SNRNP200: variants seen among roughly 807,000 people sequenced by gnomAD.
The protein encoded by SNRNP200 is U5 small nuclear ribonucleoprotein 200 kDa helicase.
In SNRNP200, 66 loss-of-function variants were observed where a neutral mutation model predicts 255.2. The observed-to-expected ratio is 0.26, with a 90% CI of 0.21 to 0.32. The LOEUF (loss-of-function observed/expected upper bound fraction) is 0.32, where lower values mean the gene tolerates loss of function less well. Among genes scored for constraint, SNRNP200 ranks in the 10% least tolerant of loss-of-function variants. SNRNP200 has a pLI of 1.00. For synonymous variants in SNRNP200, 939 were observed against 1,027.8 expected (o/e 0.91, Z 1.65); for missense variants, 1,585 against 2,749.8 (o/e 0.58, Z 9.47).
Position 96,283,910 on chromosome 2 carries a change from T to A in SNRNP200, c.4487A>T (p.Asn1496Ile). ...CAGCCAGTGGGCCACATCCTTGGCA[T>A]TGGAGAGCGAAGAGCTGAGTGCCAC... ...RIVALSSSLS[N>I]AKDVAHWLGC... The change falls in exon 32 of 45, where the codon AAT becomes ATT. Residue 1496 changes from asparagine to isoleucine, a missense_variant. Asn to Ile is a moderately radical substitution (Grantham distance 149). Around this residue, in one of 9 missense-constraint regions of SNRNP200, gnomAD observed 719 missense variants for 1,091.1 expected, o/e 0.66. Coordinates refer to ENST00000323853, the MANE Select transcript of SNRNP200 (RefSeq NM_014014.5). The surrounding 1 kb of genome is among the most constrained non-coding windows in gnomAD (Gnocchi z 4.7). 6.3e-7 allele frequency: 1 copy of A among 1,598,084 alleles called. No homozygotes were observed. The highest frequency in any genetic ancestry group is 1.3e-5 in the African/African-American group (1 of 74,500).
rs1245694852 is a variant in SNRNP200, at chr2:96,277,247, G to GT, written c.5932-7dup. On this transcript the variant is annotated splice_polypyrimidine_tract_variant and splice_region_variant and intron_variant, in intron 41 of 44. Transcript: ENST00000323853. The surrounding 1 kb of genome is among the most constrained non-coding windows in gnomAD (Gnocchi z 4.4). The stretch of plus-strand genomic sequence containing the variant: ...TCGAAAACACTCTCCACTCCCTGCA[G>GT]TGAGTATTCAGACGTCAGGAAAGAG... 1 of 1,613,968 alleles carries GT rather than the reference G, an allele frequency of 6.2e-7. No homozygotes were observed. Among genetic ancestry groups the GT allele is most frequent in the Non-Finnish European group, 8.5e-7 (1 of 1,179,992 alleles).
At chr2:96,276,604 T>C (rs191088043) in intron 43 of SNRNP200, 2 of 387,350 alleles carry the variant, frequency 5.2e-6, no homozygotes, top group African/African-American at 4.2e-5. Context: ...GTATTTTTAG[T>C]AGAGACGGGG....
In SNRNP200 at chr2:96,290,413, T is replaced by C. The variant is rs2063877081; in HGVS notation, c.2655A>G (p.Gln885=). Residue 885 remains glutamine (Q), a synonymous_variant, in exon 20 of 45, where the codon CAA becomes CAG. Transcript: ENST00000323853. This position sits in a 1 kb window ranked among gnomAD's most constrained non-coding sequence, Gnocchi z 4.5. ...ELQYYLSLLN[Q]QLPIESQMVS... is the part of the protein sequence containing the mutation. ...CCATCTGGCTTTCAATAGGAAGTTG[T>C]TGATTGAGGAGGGACAGGTAGTACT... The C allele has an allele frequency of 6.2e-7, 1 of 1,614,194 alleles. No individual in the cohort carries two copies. The highest frequency in any genetic ancestry group is 1.3e-5 in the African/African-American group (1 of 75,048).
At chr2:96,294,948 C>T (rs998720103) in intron 14 of SNRNP200, among the ~76,000 whole-genome samples, 16 of 152,134 alleles carry the variant, frequency 1.1e-4, no homozygotes, top group African/African-American at 3.9e-4. Context: ...CAGTGGCTCA[C>T]GCTTGTAATC....
Position 96,277,060 on chromosome 2 carries a change from C to A in SNRNP200, c.6092+21G>T. On this transcript the variant is annotated intron_variant, in intron 42 of 44. Transcript: ENST00000323853. This position sits in a 1 kb window ranked among gnomAD's most constrained non-coding sequence, Gnocchi z 4.4. ...GAGCACACTATTATGCTGTGCCCAA[C>A]AGGCACCACCTCTGGCTCACCTGCG... 6.2e-7 allele frequency: 1 copy of A among 1,614,150 alleles called. No individual in the cohort carries two copies. Among genetic ancestry groups the A allele is most frequent in the Non-Finnish European group, 8.5e-7 (1 of 1,179,982 alleles).
At position 96,286,984 on chromosome 2, in the gene SNRNP200, C is replaced by A. The variant is rs1448801629; in HGVS notation, c.3639+22G>T. 4 of 1,614,164 alleles carry A rather than the reference C, an allele frequency of 2.5e-6. No individual in the cohort carries two copies. Among genetic ancestry groups the A allele is most frequent in the Non-Finnish European group, 2.5e-6 (3 of 1,180,022 alleles). The stretch of plus-strand genomic sequence containing the variant: ...TAGACTGAGCACCTCCAATCCAGCA[C>A]CTCTGCCCAGCAAAGCCTCACCTTT... On this transcript the variant is annotated intron_variant, in intron 27 of 44. Transcript: ENST00000323853. The surrounding 1 kb of genome is among the most constrained non-coding windows in gnomAD (Gnocchi z 4.8).
chr2:96,288,942 C>A lies in SNRNP200; in HGVS notation c.3174+95G>T, dbSNP rs557713401. On this transcript the variant is annotated intron_variant, in intron 23 of 44. Coordinates refer to ENST00000323853, the MANE Select transcript of SNRNP200 (RefSeq NM_014014.5). ...AAAACTAGGAGAACTGAGCAGGAAACCACACATGAACCCAAATTCAAGGTT... is the reference window on the plus strand; with the variant it reads ...AAAACTAGGAGAACTGAGCAGGAAAACACACATGAACCCAAATTCAAGGTT... 9 of 1,229,378 alleles carry A rather than the reference C, an allele frequency of 7.3e-6. No individual in the cohort carries two copies. The South Asian group carries it at 1.0e-4, about 14-fold the overall frequency. 76.2% of individuals were successfully genotyped at this position (1,229,378 alleles called of 1,614,324 possible). A position where few individuals can be genotyped will look rare whatever the true frequency, so the allele number is the denominator to read the frequency against.
At position 96,277,503 on chromosome 2, in the gene SNRNP200, C is replaced by A; in HGVS notation, c.5931+36G>T. The A allele has an allele frequency of 1.2e-6, 2 of 1,609,820 alleles. No individual in the cohort carries two copies. The highest frequency in any genetic ancestry group is 1.7e-6 in the Non-Finnish European group (2 of 1,177,928). On this transcript the variant is annotated intron_variant, in intron 41 of 44. Coordinates refer to ENST00000323853, the MANE Select transcript of SNRNP200 (RefSeq NM_014014.5). This position sits in a 1 kb window ranked among gnomAD's most constrained non-coding sequence, Gnocchi z 4.4. ...CGGTCCACAACACTGGGCTCTCAGG[C>A]TCACCCACCTGACCCTCTAGGCTGA...
Position 96,274,772 on chromosome 2 carries a change from G to T in SNRNP200, c.*240C>A. The T allele has an allele frequency of 1.8e-6, 1 of 562,752 alleles. No homozygotes were observed. The highest frequency in any genetic ancestry group is 3.2e-6 in the Non-Finnish European group (1 of 313,886). 34.9% of individuals were successfully genotyped at this position (562,752 alleles called of 1,614,324 possible). On this transcript the variant is annotated 3_prime_UTR_variant, in exon 45 of 45. Coordinates refer to ENST00000323853, the MANE Select transcript of SNRNP200 (RefSeq NM_014014.5). ...TTTTATTAGAATGTCAGACTCAAAAGAACTACCAGGAACATGCCTGAAAAT... is the reference window on the plus strand; with the variant it reads ...TTTTATTAGAATGTCAGACTCAAAATAACTACCAGGAACATGCCTGAAAAT...
rs778470180 is a variant in SNRNP200 at position 96,295,629 on chromosome 2, A to G, written c.1701T>C (p.Ala567=). 5.6e-6 allele frequency: 9 copies of G among 1,613,892 alleles called. No homozygotes were observed. Among genetic ancestry groups the G allele is most frequent in the Non-Finnish European group, 7.6e-6 (9 of 1,180,014 alleles). The change falls in exon 14 of 45, where the codon GCT becomes GCC. Residue 567 remains alanine (A), a synonymous_variant. Transcript: ENST00000323853. ...ACAGCTGGTGGTCCCCAGTCAGTTC[A>G]GCAACAGTGATGCCATAAGTGGCCA... The part of the protein sequence containing the change: ...KRLATYGITV[A]ELTGDHQLCK...
chr2:96,281,526 T>G, intron 35 of SNRNP200: 1 of 402,090 alleles, frequency 2.5e-6, no homozygotes, highest in Admixed American at 3.5e-5. Flanking sequence ...AAGTCACTTT[T>G]CCTAATCTAC....
intron 11 of SNRNP200, 112 bp from the exon 12 acceptor site, chr2:96,297,182 T>G: frequency 6.5e-7 from 1 of 1,549,944 alleles, no homozygotes; most frequent in Non-Finnish European, 8.8e-7. Flanking sequence ...TAACTTTCCA[T>G]TAAAGGTCAG....
At chr2:96,297,190 C>A in intron 11 of SNRNP200, 120 bp from the exon 12 acceptor site, 1 of 1,523,300 alleles carries the variant, frequency 6.6e-7, no homozygotes, top group Non-Finnish European at 9.0e-7. Flanking sequence ...CATTAAAGGT[C>A]AGTCCAGAGA....
intron 5 of SNRNP200, among the ~76,000 whole-genome samples, chr2:96,300,503 G>A (rs1054715486): frequency 2.0e-5 from 3 of 152,048 alleles, no homozygotes; most frequent in East Asian, 1.9e-4. Context: ...GCTCACACCC[G>A]TAATCCCAGC....
intron 1 of SNRNP200, 100 bp downstream of exon 1, chr2:96,305,293 G>C (rs754185649): frequency 2.0e-4 from 289 of 1,463,806 alleles, no homozygotes; most frequent in Admixed American, 3.8e-4. Flanking sequence ...CTTCGTTTTC[G>C]TGGCTCTCCT....
chr2:96,279,614 T>C, intron 35 of SNRNP200, 55 bp from the exon 36 acceptor site: 1 of 1,177,460 alleles, frequency 8.5e-7, no homozygotes, highest in Non-Finnish European at 1.3e-6. Context: ...GAGACCATGC[T>C]CAGGAAGCCC....
rs777571715 is a variant in SNRNP200, at chr2:96,304,885, A to G, written c.46-17T>C. ...ATTCGAGTTCTGAAAAGATCAAAAC[A>G]TTATTGAAGCTTTGACATGAGCAGG... On this transcript the variant is annotated splice_polypyrimidine_tract_variant and intron_variant, in intron 1 of 44. Transcript: ENST00000323853. 309 of 1,612,856 alleles carry G rather than the reference A, an allele frequency of 1.9e-4. No homozygotes were observed. Among genetic ancestry groups the G allele is most frequent in the Non-Finnish European group, 2.4e-4 (285 of 1,179,432 alleles).
rs1394201194 is a variant in SNRNP200, at chr2:96,304,924, A to G, written c.46-56T>C. The G allele has an allele frequency of 7.0e-6, 11 of 1,580,852 alleles. No individual in the cohort carries two copies. The Admixed American group carries it at 2.0e-4, about 28-fold the overall frequency. ...GACATGAGCAGGGCCAATTCCTACT[A>G]TCATAGTTACCCCAGCTGATGGAAA... On this transcript the variant is annotated intron_variant, in intron 1 of 44. Transcript: ENST00000323853.
chr2:96,295,196 A>G (rs1214794908), intron 14 of SNRNP200, among the ~76,000 whole-genome samples: 1 of 152,226 alleles, frequency 6.6e-6, no homozygotes, highest in Non-Finnish European at 1.5e-5. Flanking sequence ...CGACAGAGCT[A>G]GACTCCATCT....
Sources: gnomAD v4.1 joint callset for allele counts (sites outside exome capture counted in the v4.1 genomes callset) on GRCh38, gnomAD v4.1.1 for gene constraint, gnomAD v4.1.1 regional missense constraint, Gnocchi (gnomAD v3.1) non-coding constraint, MANE v1.5 for transcripts, NCBI Gene and HGNC (gene_info 2026-07-23, HGNC 2026-07-21) for gene names.